The following ATP2C2 variants were observed in gnomAD, a reference collection of about 807,000 sequenced individuals.
ATP2C2 encodes the protein ATPase secretory pathway Ca2+ transporting 2.
A neutral mutation model predicts 110.8 loss-of-function variants in ATP2C2; 171 were observed. That is an observed-to-expected ratio of 1.54 (90% confidence interval 1.36 to 1.75). The LOEUF (loss-of-function observed/expected upper bound fraction) is 1.75. Ranked by LOEUF, ATP2C2 falls within the 40% of genes most tolerant of loss-of-function variation. The probability of loss-of-function intolerance (pLI) is 0.00; values close to 1 mark genes in which losing one functional copy is unlikely to be tolerated. For missense variants in ATP2C2, 1,963 were observed against 1,235.0 expected (o/e 1.59, Z -8.84); for synonymous variants, 804 against 508.4 (o/e 1.58, Z -7.82).
chr16:84,392,737 A>G (rs898451115), intron 1 of ATP2C2, among the ~76,000 whole-genome samples: 4 of 152,180 alleles, frequency 2.6e-5, no homozygotes, highest in African/African-American at 4.8e-5. Flanking sequence ...TGCTGGGATT[A>G]CGGGCGTGAG....
chr16:84,389,348 C>T (rs561891353), intron 1 of ATP2C2, among the ~76,000 whole-genome samples: 1 of 152,346 alleles, frequency 6.6e-6, no homozygotes, highest in South Asian at 2.1e-4. Flanking sequence ...CCATCTCCTT[C>T]GTTGTTAGCT....
At chr16:84,442,658 G>A in intron 15 of ATP2C2, 59 bp downstream of exon 15, 1 of 1,518,164 alleles carries the variant, frequency 6.6e-7, no homozygotes, top group Non-Finnish European at 9.1e-7. Flanking sequence ...GGATTCATTG[G>A]TAGAAAGCCA....
At chr16:84,380,559 G>A (rs984093022) in intron 1 of ATP2C2, among the ~76,000 whole-genome samples, 31 of 152,152 alleles carry the variant, frequency 2.0e-4, no homozygotes, top group African/African-American at 7.2e-4. Context: ...CGGTAATCAG[G>A]TCACTGTTTG....
chr16:84,373,714 G>T (rs1276565857), intron 1 of ATP2C2, among the ~76,000 whole-genome samples: 1 of 152,136 alleles, frequency 6.6e-6, no homozygotes, highest in Non-Finnish European at 1.5e-5. Flanking sequence ...ATAGTAGAAA[G>T]AAATATTTCC....
chr16:84,396,242 G>A (rs1039793931), intron 1 of ATP2C2, among the ~76,000 whole-genome samples: 2 of 151,818 alleles, frequency 1.3e-5, no homozygotes, highest in Admixed American at 6.6e-5. Flanking sequence ...GTGTGTGTGT[G>A]AGATGGGATT....
chr16:84,385,257 G>A (rs535065881), intron 1 of ATP2C2, among the ~76,000 whole-genome samples: 4 of 152,164 alleles, frequency 2.6e-5, no homozygotes, highest in African/African-American at 9.6e-5. Flanking sequence ...GAGAGCAGGG[G>A]ACGGTGTCCC....
chr16:84,451,862 CA>C, intron 17 of ATP2C2, 58 bp from the exon 18 acceptor site: 4 of 1,518,470 alleles, frequency 2.6e-6, no homozygotes, highest in Non-Finnish European at 3.6e-6. Context: ...CAACCAACAA[CA>C]AAAAACGACG....
In ATP2C2 at chr16:84,459,329, T is replaced by G. The variant is rs1911021029; in HGVS notation, c.2276T>G (p.Leu759Arg). 1.9e-6 allele frequency: 3 copies of G among 1,614,154 alleles called. No individual in the cohort carries two copies. In the East Asian group the frequency reaches 6.7e-5, roughly 36 times the overall value. ...LSTVFNLPSP[L>R]NAMQILWINI... ...ACCGTGTTCAACCTGCCCAGCCCCC[T>G]CAACGCCATGCAGATCCTATGGATC... Residue 759 changes from leucine to arginine, a missense_variant, in exon 23 of 27, where the codon CTC becomes CGC. Physicochemically the swap from Leu to Arg is moderately radical, Grantham distance 102. Coordinates refer to ENST00000262429, the MANE Select transcript of ATP2C2 (RefSeq NM_014861.4).
At chr16:84,370,015 C>G (rs942410952) in intron 1 of ATP2C2, among the ~76,000 whole-genome samples, 11 of 152,222 alleles carry the variant, frequency 7.2e-5, no homozygotes, top group African/African-American at 2.4e-4. Flanking sequence ...GGTTGCCTTT[C>G]CTATGTTGCC....
At chr16:84,370,088 C>G (rs754607276) in intron 1 of ATP2C2, among the ~76,000 whole-genome samples, 13 of 152,148 alleles carry the variant, frequency 8.5e-5, no homozygotes, top group Non-Finnish European at 1.0e-4. Flanking sequence ...TTCAAACTCT[C>G]CTGGTGTGTA....
intron 1 of ATP2C2, among the ~76,000 whole-genome samples, chr16:84,369,705 A>C (rs1304992302): frequency 6.6e-6 from 1 of 152,228 alleles, no homozygotes. Context: ...TTTTTCTCCC[A>C]AAGAATACTA....
At chr16:84,439,614 C>G in intron 13 of ATP2C2, 90 bp downstream of exon 13, 2 of 1,226,816 alleles carry the variant, frequency 1.6e-6, no homozygotes, top group Non-Finnish European at 2.4e-6. Flanking sequence ...TTCTAGAACA[C>G]AATAAGGAAG....
chr16:84,397,443 A>C lies in ATP2C2; in HGVS notation c.100-1056A>C, dbSNP rs534961084. ...TGTATATTGTTGCCCTACTCTGTCC[A>C]CTTACAAGTTTCAATTCTGTAAAAT... On this transcript the variant is annotated intron_variant, in intron 1 of 26. Coordinates refer to ENST00000262429, the MANE Select transcript of ATP2C2 (RefSeq NM_014861.4). Among the ~76,000 whole-genome samples the C allele has an allele frequency of 8.6e-5, 13 of 151,654 alleles. No individual in the cohort carries two copies. The East Asian group carries it at 2.5e-3, about 29-fold the overall frequency.
At chr16:84,452,586 C>T (rs1266469475) in intron 18 of ATP2C2, among the ~76,000 whole-genome samples, 1 of 150,374 alleles carries the variant, frequency 6.7e-6, no homozygotes, top group Non-Finnish European at 1.5e-5. Flanking sequence ...GCAACCTCCA[C>T]CTCCTGGGTT....
At chr16:84,441,587 C>A (rs1043495760) in intron 14 of ATP2C2, among the ~76,000 whole-genome samples, 1 of 152,160 alleles carries the variant, frequency 6.6e-6, no homozygotes, top group Non-Finnish European at 1.5e-5. Flanking sequence ...GGGGCCACTT[C>A]ACTATCACAG....
chr16:84,414,299 T>G (rs1906640985), intron 6 of ATP2C2, among the ~76,000 whole-genome samples: 1 of 151,918 alleles, frequency 6.6e-6, no homozygotes, highest in South Asian at 2.1e-4. Context: ...GTGGGGTTAG[T>G]TAATTCAGGA....
chr16:84,446,685 G>C lies in ATP2C2; in HGVS notation c.1503+255G>C, dbSNP rs191736353. On this transcript the variant is annotated intron_variant, in intron 16 of 26. Transcript: ENST00000262429. ...GTTGTTACCACGCGAGACTTTATTA[G>C]AAATGCAGAATCTCAGGTTCCATGC... 4.5e-4 allele frequency among the ~76,000 whole-genome samples: 69 copies of C among 152,278 alleles called. 1 individual carries two copies. The highest frequency in any genetic ancestry group is 3.4e-3 in the Middle Eastern group (1 of 294).
At chr16:84,383,502 C>G (rs1351400570) in intron 1 of ATP2C2, among the ~76,000 whole-genome samples, 1 of 152,194 alleles carries the variant, frequency 6.6e-6, no homozygotes, top group Non-Finnish European at 1.5e-5. Flanking sequence ...GAACCTGTTT[C>G]TTCCCAGCCA....
chr16:84,460,912 T>A, intron 24 of ATP2C2, 111 bp downstream of exon 24: 3 of 1,383,998 alleles, frequency 2.2e-6, no homozygotes, highest in South Asian at 2.8e-5. Flanking sequence ...GGCAAACATG[T>A]ACACACACCG....
Sources: gnomAD v4.1 joint callset for allele counts (sites outside exome capture counted in the v4.1 genomes callset) on GRCh38, gnomAD v4.1.1 for gene constraint, MANE v1.5 for transcripts, NCBI Gene and HGNC (gene_info 2026-07-23, HGNC 2026-07-21) for gene names.